ITGA9: variants seen among roughly 807,000 people sequenced by gnomAD.
ITGA9 encodes integrin subunit alpha 9.
Under a neutral mutation model 127.8 loss-of-function variants are expected in ITGA9, and 56 were observed. The ratio of observed to expected loss-of-function variants is 0.44; its 90% CI spans 0.35 to 0.55. ITGA9 has a LOEUF of 0.55. ITGA9 is among the 20% of genes least tolerant of loss of function. The probability of loss-of-function intolerance (pLI) is 0.00; values close to 1 mark genes in which losing one functional copy is unlikely to be tolerated. For missense variants in ITGA9, 1,196 were observed against 1,347.1 expected (o/e 0.89, Z 1.76); for synonymous variants, 508 against 514.5 (o/e 0.99, Z 0.17).
At chr3:37,530,439 A>G (rs938634366) in intron 13 of ITGA9, among the ~76,000 whole-genome samples, 13 of 152,174 alleles carry the variant, frequency 8.5e-5, no homozygotes, top group African/African-American at 2.9e-4. Context: ...TAGGAATGCT[A>G]TGGGCTGCAG....
chr3:37,807,184 G>A (rs1034299943), intron 27 of ITGA9: 2 of 152,296 alleles, frequency 1.3e-5, no homozygotes, highest in Non-Finnish European at 2.9e-5. Context: ...GAGGCCTTAA[G>A]GGGGCTGCTT....
intron 26 of ITGA9, among the ~76,000 whole-genome samples, chr3:37,787,584 G>A (rs1481239620): frequency 1.3e-5 from 2 of 152,058 alleles, no homozygotes; most frequent in Admixed American, 1.3e-4. Flanking sequence ...CAGTCCATGA[G>A]CTACAATGAA....
chr3:37,566,737 G>A (rs1699551150), intron 15 of ITGA9, among the ~76,000 whole-genome samples: 1 of 152,082 alleles, frequency 6.6e-6, no homozygotes, highest in South Asian at 2.1e-4. Context: ...TTGTTCTTTG[G>A]AATTGACTGT....
intron 16 of ITGA9, among the ~76,000 whole-genome samples, chr3:37,631,849 A>G (rs1000731717): frequency 3.9e-5 from 6 of 152,220 alleles, no homozygotes; most frequent in African/African-American, 1.4e-4. Context: ...TACAGGCTTC[A>G]GGCATGCAGA....
chr3:37,714,970 C>T (rs1159653691), intron 18 of ITGA9, among the ~76,000 whole-genome samples: 2 of 152,210 alleles, frequency 1.3e-5, no homozygotes, highest in East Asian at 3.9e-4. Flanking sequence ...CTCACCCTCT[C>T]TGGGTCTCTG....
At chr3:37,708,786 A>T (rs1701042514) in intron 18 of ITGA9, among the ~76,000 whole-genome samples, 1 of 152,130 alleles carries the variant, frequency 6.6e-6, no homozygotes, top group South Asian at 2.1e-4. Flanking sequence ...TAAGTGGTGG[A>T]GCCTAGGTTT....
intron 2 of ITGA9, among the ~76,000 whole-genome samples, chr3:37,472,926 G>A (rs1032559481): frequency 1.3e-5 from 2 of 151,434 alleles, no homozygotes; most frequent in African/African-American, 4.9e-5. Context: ...ATCACTTGAG[G>A]TTAGGAGTTT....
At chr3:37,458,326 C>G (rs574843361) in intron 1 of ITGA9, among the ~76,000 whole-genome samples, 1 of 152,210 alleles carries the variant, frequency 6.6e-6, no homozygotes, top group East Asian at 1.9e-4. Flanking sequence ...GATGCTAGGA[C>G]AGAGATAGGA....
intron 17 of ITGA9, among the ~76,000 whole-genome samples, chr3:37,662,804 A>G (rs1700550960): frequency 6.6e-6 from 1 of 152,224 alleles, no homozygotes; most frequent in Non-Finnish European, 1.5e-5. Context: ...GGTCACAGAG[A>G]AAGATTTCTC....
intron 14 of ITGA9, among the ~76,000 whole-genome samples, chr3:37,536,956 A>G (rs1233210384): frequency 1.3e-5 from 2 of 152,256 alleles, no homozygotes; most frequent in East Asian, 1.9e-4. Context: ...CTGCATTAGC[A>G]TCACCTGGGA....
At chr3:37,792,127 G>T (rs1277386864) in intron 26 of ITGA9, among the ~76,000 whole-genome samples, 1 of 152,162 alleles carries the variant, frequency 6.6e-6, no homozygotes, top group African/African-American at 2.4e-5. Flanking sequence ...CCCCACATGT[G>T]AGAATTAAGC....
intron 18 of ITGA9, among the ~76,000 whole-genome samples, chr3:37,701,116 A>T: frequency 6.6e-6 from 1 of 152,194 alleles, no homozygotes; most frequent in Non-Finnish European, 1.5e-5. Flanking sequence ...TGGACCCCTC[A>T]TTCAAAGCCA....
At chr3:37,589,183 G>C (rs1425968347) in intron 15 of ITGA9, among the ~76,000 whole-genome samples, 4 of 152,164 alleles carry the variant, frequency 2.6e-5, no homozygotes, top group Non-Finnish European at 4.4e-5. Flanking sequence ...ACAGCACTTG[G>C]CTTTCCCAAA....
chr3:37,671,882 A>C (rs1411910085), intron 17 of ITGA9, among the ~76,000 whole-genome samples: 1 of 152,256 alleles, frequency 6.6e-6, no homozygotes. Flanking sequence ...ACATGTATAC[A>C]TACATATAGA....
chr3:37,503,434 T>G, intron 6 of ITGA9, 127 bp downstream of exon 6: 1 of 1,045,080 alleles, frequency 9.6e-7, no homozygotes, highest in South Asian at 1.4e-5. Context: ...TTCTAATGAC[T>G]TACATCTTTA....
chr3:37,780,153 C>T (rs1467841233), intron 25 of ITGA9, 132 bp downstream of exon 25: 12 of 1,076,248 alleles, frequency 1.1e-5, no homozygotes, highest in East Asian at 2.4e-5. Context: ...GCTGCCCCCC[C>T]TTTTGGCTGT....
chr3:37,583,458 T>C (rs1699729159), intron 15 of ITGA9, among the ~76,000 whole-genome samples: 1 of 152,204 alleles, frequency 6.6e-6, no homozygotes, highest in Admixed American at 6.5e-5. Context: ...GAGGGTTCCA[T>C]TGAGGACATT....
In ITGA9 at chr3:37,740,841, G is replaced by T. The variant is rs1253731960; in HGVS notation, c.2235-889G>T. 6.6e-5 allele frequency among the ~76,000 whole-genome samples: 10 copies of T among 152,276 alleles called. No homozygotes were observed. In the East Asian group the frequency reaches 1.7e-3, roughly 26 times the overall value. On this transcript the variant is annotated intron_variant, in intron 20 of 27. Transcript: ENST00000264741. The stretch of plus-strand genomic sequence containing the variant: ...TCTCACCCGGAGGCCTTATGTGGAT[G>T]TATTTTAGAATCACCTGGGGAGCTT...
intron 18 of ITGA9, among the ~76,000 whole-genome samples, chr3:37,690,316 A>G (rs1009089642): frequency 3.3e-5 from 5 of 152,152 alleles, no homozygotes; most frequent in Admixed American, 2.6e-4. Context: ...GGCCAGTAAC[A>G]TTTCTGGTGG....
Sources: gnomAD v4.1 joint callset for allele counts (sites outside exome capture counted in the v4.1 genomes callset) on GRCh38, gnomAD v4.1.1 for gene constraint, MANE v1.5 for transcripts, NCBI Gene and HGNC (gene_info 2026-07-23, HGNC 2026-07-21) for gene names.